HMCN1: variants seen among roughly 807,000 people sequenced by gnomAD.
The protein encoded by HMCN1 is hemicentin-1.
Under a neutral mutation model 625.9 loss-of-function variants are expected in HMCN1, and 321 were observed. The observed-to-expected ratio is 0.51, with a 90% confidence interval of 0.47 to 0.56. The LOEUF is 0.56. Ranked by LOEUF, HMCN1 falls within the 20% of genes least tolerant of loss-of-function variation. The probability of loss-of-function intolerance (pLI) is 0.00; values close to 1 mark genes in which losing one functional copy is unlikely to be tolerated. For synonymous variants in HMCN1, 2,425 were observed against 2,417.6 expected, an observed-to-expected ratio of 1.00 and a Z score of -0.09; for missense variants, 6,588 against 6,887.3, an observed-to-expected ratio of 0.96 and a Z score of 1.54.
intron 89 of HMCN1, 123 bp downstream of exon 89, chr1:186,138,095 A>G: frequency 1.9e-6 from 2 of 1,045,772 alleles, no homozygotes; most frequent in Non-Finnish European, 2.9e-6. Flanking sequence ...CCTTGAGAAT[A>G]TGTTCATTCA....
intron 103 of HMCN1, among the ~76,000 whole-genome samples, chr1:186,177,811 A>ACTAT (rs1249400661): frequency 1.3e-5 from 2 of 152,150 alleles, no homozygotes; most frequent in African/African-American, 4.8e-5. Context: ...ATTAAGAGGT[A>ACTAT]CTATCTTGAG....
intron 1 of HMCN1, among the ~76,000 whole-genome samples, chr1:185,823,304 C>A (rs1472346878): frequency 6.6e-6 from 1 of 152,032 alleles, no homozygotes; most frequent in African/African-American, 2.4e-5. Context: ...TAATCACCAG[C>A]AAAATTTTAA....
At position 186,189,997 on chromosome 1, in the gene HMCN1, ACT is replaced by A. The variant is rs1050755301; in HGVS notation, c.*122_*123del. On this transcript the variant is annotated 3_prime_UTR_variant, in exon 107 of 107. Coordinates refer to ENST00000271588, the MANE Select transcript of HMCN1 (RefSeq NM_031935.3). ...CTTGGCAGCTTGAAAATGGTGCTAC[ACT>A]CTGTTTTGTGTGCCTTCCTTGGTAC... 1.2e-5 allele frequency: 14 copies of A among 1,170,038 alleles called. No homozygotes were observed. The Middle Eastern group carries it at 1.4e-3, about 116-fold the overall frequency. 72.5% of individuals were successfully genotyped at this position (1,170,038 alleles called of 1,614,324 possible). A position where few individuals can be genotyped will look rare whatever the true frequency, so the allele number is the denominator to read the frequency against.
intron 36 of HMCN1, among the ~76,000 whole-genome samples, chr1:186,033,640 C>T (rs1163335683): frequency 6.6e-6 from 1 of 151,902 alleles, no homozygotes; most frequent in Non-Finnish European, 1.5e-5. Flanking sequence ...TTGATTGACA[C>T]TGCAGATAGA....
At chr1:185,794,348 T>TATATATAC (rs1208629274) in intron 1 of HMCN1, among the ~76,000 whole-genome samples, 3 of 151,464 alleles carry the variant, frequency 2.0e-5, no homozygotes, top group African/African-American at 7.3e-5. Context: ...ATAGATTATA[T>TATATATAC]ATATATATAT....
chr1:185,793,746 C>G (rs577352095), intron 1 of HMCN1, among the ~76,000 whole-genome samples: 1 of 152,078 alleles, frequency 6.6e-6, no homozygotes, highest in Non-Finnish European at 1.5e-5. Flanking sequence ...TAAAGAGTCA[C>G]CCAGGGTTTT....
intron 1 of HMCN1, among the ~76,000 whole-genome samples, chr1:185,768,132 C>T (rs938008949): frequency 3.9e-5 from 6 of 152,120 alleles, no homozygotes; most frequent in African/African-American, 7.2e-5. Context: ...CCTCACCATA[C>T]GTTTACTAAA....
intron 86 of HMCN1, among the ~76,000 whole-genome samples, chr1:186,134,289 G>T (rs9286859): frequency 0.39 from 59,725 of 151,912 alleles, 13,543 homozygotes; most frequent in East Asian, 0.6. Flanking sequence ...AATGTTCAAG[G>T]ATGGTATCTA....
Position 185,925,126 on chromosome 1 carries a change from T to C in HMCN1, c.1365T>C (p.Ser455=). The change falls in exon 9 of 107, where the codon AGT becomes AGC. Residue 455 remains serine, a synonymous_variant. Transcript: ENST00000271588. ...GCCAAATTCCCTGCTCTGTTGACAG[T>C]CTTTTGCCCTTTACCTTGAGCTTTG... is the stretch of plus-strand genomic sequence containing the variant. ...QPGQIPCSVD[S]LLPFTLSFVR... is the part of the protein sequence containing the mutation. The C allele has an allele frequency of 6.2e-7, 1 of 1,613,982 alleles. No homozygotes were observed. Among genetic ancestry groups the C allele is most frequent in the African/African-American group, 1.3e-5 (1 of 75,046 alleles).
intron 1 of HMCN1, among the ~76,000 whole-genome samples, chr1:185,747,888 G>T (rs866635283): frequency 6.6e-6 from 1 of 152,132 alleles, no homozygotes; most frequent in South Asian, 2.1e-4. Context: ...GGAATTCCTT[G>T]ATGTTCTCAG....
chr1:185,877,422 T>G (rs887144571), intron 4 of HMCN1, among the ~76,000 whole-genome samples: 7 of 150,744 alleles, frequency 4.6e-5, no homozygotes, highest in African/African-American at 1.5e-4. Flanking sequence ...TTGTTCTTTT[T>G]GTTTAGGATT....
intron 4 of HMCN1, among the ~76,000 whole-genome samples, chr1:185,873,284 A>G (rs1663736916): frequency 6.6e-6 from 1 of 152,150 alleles, no homozygotes; most frequent in African/African-American, 2.4e-5. Context: ...TCAACCTCAA[A>G]GTCTTTGAAA....
chr1:186,039,739 A>G lies in HMCN1; in HGVS notation c.6040A>G (p.Ile2014Val). The change falls in exon 39 of 107, where the codon ATT becomes GTT. Residue 2014 changes from isoleucine (I) to valine (V), a missense_variant. Coordinates refer to ENST00000271588, the MANE Select transcript of HMCN1 (RefSeq NM_031935.3). ...YSLQVHVAPS[I>V]SGSNNMVAVV... ...TTTGTTTTTTTCAGTGGCCCCATCA[A>G]TTTCTGGCAGCAATAACATGGTGGC... is the stretch of plus-strand genomic sequence containing the variant. 6.2e-7 allele frequency: 1 copy of G among 1,613,464 alleles called. No homozygotes were observed. Among genetic ancestry groups the G allele is most frequent in the Non-Finnish European group, 8.5e-7 (1 of 1,179,558 alleles).
Position 185,922,396 on chromosome 1 carries a change from G to A in HMCN1, c.918G>A (p.Arg306=). The A allele has an allele frequency of 6.2e-7, 1 of 1,613,474 alleles. No individual in the cohort carries two copies. Among genetic ancestry groups the A allele is most frequent in the South Asian group, 1.1e-5 (1 of 91,062 alleles). ...ATTTTCAGACCTCAAGCAGTGGAAG[G>A]CACTCTGTTCGCATTACTGGCCTCA... ...MWTVKTSSSG[R]HSVRITGLST... is the part of the protein sequence containing the mutation. The change falls in exon 7 of 107, where the codon AGG becomes AGA. Residue 306 remains arginine (R), a synonymous_variant. Transcript: ENST00000271588.
chr1:186,102,832 TTAGAC>T (rs1660444946), intron 68 of HMCN1, among the ~76,000 whole-genome samples: 1 of 152,138 alleles, frequency 6.6e-6, no homozygotes, highest in African/African-American at 2.4e-5. Context: ...TTGGGAGTAG[TTAGAC>T]TAAAGAACCT....
intron 11 of HMCN1, among the ~76,000 whole-genome samples, chr1:185,955,262 T>C (rs916728907): frequency 2.0e-5 from 3 of 152,218 alleles, no homozygotes; most frequent in African/African-American, 7.2e-5. Flanking sequence ...AAAACCTTTT[T>C]GTGCTTTTCT....
rs554942777 is a variant in HMCN1 at position 185,970,339 on chromosome 1, T to C, written c.2217T>C (p.Asp739=). The C allele has an allele frequency of 1.2e-6, 2 of 1,613,344 alleles. No homozygotes were observed. Among genetic ancestry groups the C allele is most frequent in the East Asian group, 2.2e-5 (1 of 44,858 alleles). Residue 739 remains aspartate, a synonymous_variant, in exon 15 of 107, where the codon GAT becomes GAC. Transcript: ENST00000271588. ...CTCCCCTTTGTTTTGACTTAGGAGA[T>C]CTTGAGTTGAGGCCCTCAACATTCC... The part of the protein sequence containing the change: ...PPPQVKWFKG[D]LELRPSTFLI...
chr1:185,931,778 G>C (rs1258182651), intron 10 of HMCN1, among the ~76,000 whole-genome samples: 5 of 152,146 alleles, frequency 3.3e-5, no homozygotes, highest in Non-Finnish European at 7.4e-5. Context: ...GCACTGGAAA[G>C]GGGGGTCTAA....
chr1:185,977,076 A>G (rs1338902601), intron 15 of HMCN1, among the ~76,000 whole-genome samples: 6 of 151,948 alleles, frequency 3.9e-5, no homozygotes, highest in Non-Finnish European at 8.8e-5. Flanking sequence ...CTCTGTGGTT[A>G]CCTGAATTAC....
Sources: allele counts gnomAD v4.1 joint callset (sites outside exome capture counted in the v4.1 genomes callset), GRCh38; gene constraint gnomAD v4.1.1; transcripts MANE v1.5; gene names NCBI Gene and HGNC (gene_info 2026-07-23, HGNC 2026-07-21).